Variants in CAMK2B observed in about 807,000 individuals in gnomAD.
CAMK2B encodes the protein calcium/calmodulin-dependent protein kinase type II subunit beta.
CAMK2B carries 27 observed loss-of-function variants against 93.7 expected under a neutral mutation model. The observed-to-expected ratio is 0.29, with a 90% CI of 0.21 to 0.40. CAMK2B has a LOEUF of 0.40. Ranked by LOEUF, CAMK2B falls within the 10% of genes least tolerant of loss-of-function variation. The probability of loss-of-function intolerance (pLI) is 1.00; values close to 1 mark genes in which losing one functional copy is unlikely to be tolerated. For synonymous variants in CAMK2B, 374 were observed against 358.8 expected (o/e 1.04, Z -0.48); for missense variants, 568 against 895.8 (o/e 0.63, Z 4.67).
chr7:44,319,499 G>A (rs1795556979), intron 1 of CAMK2B, among the ~76,000 whole-genome samples: 1 of 152,174 alleles, frequency 6.6e-6, no homozygotes, highest in Non-Finnish European at 1.5e-5. Context: ...AGAAAAGGGG[G>A]ATGGAAAGAT....
chr7:44,320,176 CAG>C (rs1795743795), intron 1 of CAMK2B, among the ~76,000 whole-genome samples: 2 of 152,214 alleles, frequency 1.3e-5, no homozygotes, highest in Admixed American at 1.3e-4. Flanking sequence ...CATATGGAGT[CAG>C]AGTGTTGGTT....
intron 4 of CAMK2B, 28 bp downstream of exon 4, chr7:44,258,844 A>C: frequency 6.2e-7 from 1 of 1,608,882 alleles, no homozygotes; most frequent in Non-Finnish European, 8.5e-7. Flanking sequence ...GAGTGAGTGC[A>C]GCGAGAGTCC....
chr7:44,235,586 G>GA (rs1292322257), intron 13 of CAMK2B, among the ~76,000 whole-genome samples: 1 of 152,286 alleles, frequency 6.6e-6, no homozygotes, highest in Non-Finnish European at 1.5e-5. Flanking sequence ...AAGGAAGAGA[G>GA]AGAGAGAAAA....
Position 44,325,462 on chromosome 7 carries a change from G to T in CAMK2B, c.-41C>A. 2 of 1,030,476 alleles carry T rather than the reference G, an allele frequency of 1.9e-6. No individual in the cohort carries two copies. The highest frequency in any genetic ancestry group is 5.5e-5 in the Admixed American group (1 of 18,348). 63.8% of individuals were successfully genotyped at this position (1,030,476 alleles called of 1,614,324 possible). A position where few individuals can be genotyped will look rare whatever the true frequency, so the allele number is the denominator to read the frequency against. ...GCTCGGCGTGCGCTCGGCTGCGCTC[G>T]GGCGGCGGCGACTCCGGCTCCCGCT... On this transcript the variant is annotated 5_prime_UTR_variant, in exon 1 of 24. Coordinates refer to ENST00000395749, the MANE Select transcript of CAMK2B (RefSeq NM_001220.5).
chr7:44,275,385 A>AGGGCCAGCAC (rs2097024631), intron 2 of CAMK2B, among the ~76,000 whole-genome samples: 1 of 152,232 alleles, frequency 6.6e-6, no homozygotes, highest in African/African-American at 2.4e-5. Flanking sequence ...GGGGCCAGCA[A>AGGGCCAGCAC]GGGCCAGCAC....
intron 1 of CAMK2B, among the ~76,000 whole-genome samples, chr7:44,290,347 A>G (rs1383227920): frequency 6.6e-6 from 1 of 152,244 alleles, no homozygotes. Context: ...TAGCAAGCAC[A>G]GCCCCCTCCC....
At position 44,248,343 on chromosome 7, in the gene CAMK2B, C is replaced by T. The variant is rs1015641762; in HGVS notation, c.342-1151G>A. The stretch of plus-strand genomic sequence containing the variant: ...CTAGAGCACATCAGACCCAGGGCCA[C>T]GGAGCCCCTGCACACACCGAGAGCC... On this transcript the variant is annotated intron_variant, in intron 5 of 23. Transcript: ENST00000395749. The surrounding 1 kb of genome is among the most constrained non-coding windows in gnomAD (Gnocchi z 4.1). Among the ~76,000 whole-genome samples the T allele has an allele frequency of 6.6e-6, 1 of 152,144 alleles. No homozygotes were observed. Among genetic ancestry groups the T allele is most frequent in the Admixed American group, 6.5e-5 (1 of 15,286 alleles).
chr7:44,276,139 G>A (rs1386038102), intron 2 of CAMK2B, among the ~76,000 whole-genome samples: 7 of 151,834 alleles, frequency 4.6e-5, no homozygotes, highest in African/African-American at 1.7e-4. Flanking sequence ...GCAGGGGGAG[G>A]GGAGAAGAGA....
At chr7:44,283,738 C>G (rs1354252845) in intron 2 of CAMK2B, among the ~76,000 whole-genome samples, 1 of 152,250 alleles carries the variant, frequency 6.6e-6, no homozygotes, top group Non-Finnish European at 1.5e-5. Flanking sequence ...CACCACCCAA[C>G]CACCATGGCG....
chr7:44,234,248 G>T, intron 15 of CAMK2B, 142 bp downstream of exon 15: 1 of 689,604 alleles, frequency 1.5e-6, no homozygotes. Context: ...GGTGAGGGAT[G>T]AGGGGCGGGG....
At chr7:44,238,684 G>A (rs945836555) in intron 13 of CAMK2B, among the ~76,000 whole-genome samples, 5 of 152,232 alleles carry the variant, frequency 3.3e-5, no homozygotes, top group East Asian at 3.8e-4. Context: ...AACCTCTGCC[G>A]GGTCCCCAGC....
chr7:44,284,059 C>A, intron 2 of CAMK2B, 72 bp downstream of exon 2: 2 of 1,154,538 alleles, frequency 1.7e-6, no homozygotes, highest in South Asian at 1.3e-5. Flanking sequence ...GCTGCCCAGT[C>A]CACAGGGCAC....
intron 2 of CAMK2B, among the ~76,000 whole-genome samples, chr7:44,277,317 C>A (rs1357621778): frequency 6.6e-6 from 1 of 152,184 alleles, no homozygotes; most frequent in Non-Finnish European, 1.5e-5. Flanking sequence ...AGTACATTCA[C>A]CAACTTTGAA....
intron 1 of CAMK2B, among the ~76,000 whole-genome samples, chr7:44,306,777 AGG>A (rs1791699705): frequency 3.0e-5 from 3 of 99,476 alleles, no homozygotes; most frequent in Non-Finnish European, 4.1e-5. Flanking sequence ...GGATGCGAGC[AGG>A]GGAGGAGGGT....
chr7:44,282,359 G>A (rs1468050982), intron 2 of CAMK2B, among the ~76,000 whole-genome samples: 1 of 152,260 alleles, frequency 6.6e-6, no homozygotes, highest in Non-Finnish European at 1.5e-5. Context: ...ACTTCCAGCT[G>A]TGCAGTCACA....
chr7:44,289,551 G>T (rs999075267), intron 1 of CAMK2B, among the ~76,000 whole-genome samples: 1 of 152,206 alleles, frequency 6.6e-6, no homozygotes, highest in Non-Finnish European at 1.5e-5. Context: ...AGCCTATCCC[G>T]TGTGGTCACG....
chr7:44,246,498 T>C (rs2096731523), intron 6 of CAMK2B, among the ~76,000 whole-genome samples: 1 of 151,854 alleles, frequency 6.6e-6, no homozygotes, highest in African/African-American at 2.4e-5. Context: ...CATTCACATA[T>C]GCATGCGCAT....
chr7:44,263,233 G>A (rs1205035035), intron 2 of CAMK2B, among the ~76,000 whole-genome samples, 169 bp from the exon 3 acceptor site: 1 of 152,250 alleles, frequency 6.6e-6, no homozygotes, highest in Non-Finnish European at 1.5e-5. Context: ...GCCACTGGTG[G>A]CAAGGCTGGG....
intron 13 of CAMK2B, among the ~76,000 whole-genome samples, chr7:44,236,203 C>A (rs1422054561): frequency 2.6e-5 from 4 of 152,230 alleles, no homozygotes; most frequent in African/African-American, 7.2e-5. Flanking sequence ...CTGCTGACCA[C>A]CCCCTCCCTG....
Sources: allele counts gnomAD v4.1 joint callset (sites outside exome capture counted in the v4.1 genomes callset), GRCh38; gene constraint gnomAD v4.1.1; non-coding constraint Gnocchi (gnomAD v3.1); transcripts MANE v1.5; gene names NCBI Gene and HGNC (gene_info 2026-07-23, HGNC 2026-07-21).